The following RBFOX1 variants were observed in gnomAD, a reference collection of about 807,000 sequenced individuals.
RBFOX1 encodes the protein RNA binding fox-1 homolog 1.
In RBFOX1, 8 loss-of-function variants were observed where a neutral mutation model predicts 57.7. The observed-to-expected ratio is 0.14, with a 90% CI of 0.08 to 0.25. The LOEUF (loss-of-function observed/expected upper bound fraction) is 0.25, where lower values mean the gene tolerates loss of function less well. Among genes scored for constraint, RBFOX1 ranks in the 10% least tolerant of loss-of-function variants. The probability of loss-of-function intolerance (pLI) is 1.00; values close to 1 mark genes in which losing one functional copy is unlikely to be tolerated. For missense variants in RBFOX1, 611 were observed against 548.5 expected (o/e 1.11, Z -1.14); for synonymous variants, 326 against 222.4 (o/e 1.47, Z -4.15).
chr16:6,573,051 T>C (rs2097367526), intron 2 of RBFOX1, among the ~76,000 whole-genome samples: 1 of 152,126 alleles, frequency 6.6e-6, no homozygotes, highest in South Asian at 2.1e-4. Flanking sequence ...TCCTACAGAC[T>C]CAGATAGGAT....
intron 2 of RBFOX1, among the ~76,000 whole-genome samples, chr16:6,370,972 T>C (rs1392255873): frequency 2.0e-5 from 3 of 152,234 alleles, no homozygotes; most frequent in African/African-American, 7.2e-5. Flanking sequence ...GTCTTTCAGC[T>C]GTTTCTTTAT....
intron 1 of RBFOX1, among the ~76,000 whole-genome samples, chr16:6,039,644 T>C (rs2095414715): frequency 6.6e-6 from 1 of 152,226 alleles, no homozygotes; most frequent in South Asian, 2.1e-4. Flanking sequence ...TGTTCAGTTA[T>C]TTTGAGGAAA....
intron 3 of RBFOX1, among the ~76,000 whole-genome samples, chr16:6,804,642 A>C (rs1567320849): frequency 6.6e-6 from 1 of 152,190 alleles, no homozygotes; most frequent in Non-Finnish European, 1.5e-5. Flanking sequence ...GTCAGTAATG[A>C]GAATGAACTA....
chr16:6,897,526 G>A (rs916313523), intron 3 of RBFOX1, among the ~76,000 whole-genome samples: 3 of 152,244 alleles, frequency 2.0e-5, no homozygotes, highest in Non-Finnish European at 4.4e-5. Context: ...GGGTGCAGTG[G>A]CTCACGCCTG....
At chr16:7,277,303 A>G (rs1357109745) in intron 4 of RBFOX1, among the ~76,000 whole-genome samples, 1 of 152,174 alleles carries the variant, frequency 6.6e-6, no homozygotes. Flanking sequence ...ACTGCAATGC[A>G]TCTGTGGTTA....
intron 2 of RBFOX1, among the ~76,000 whole-genome samples, chr16:6,570,403 T>C (rs1005033345): frequency 6.6e-6 from 1 of 152,112 alleles, no homozygotes; most frequent in Non-Finnish European, 1.5e-5. Flanking sequence ...ATATGAAAGA[T>C]AGAAGAAGTA....
chr16:6,267,386 A>T (rs908548737), intron 1 of RBFOX1, among the ~76,000 whole-genome samples: 6 of 152,178 alleles, frequency 3.9e-5, no homozygotes, highest in Non-Finnish European at 8.8e-5. Flanking sequence ...ACTATCTCCT[A>T]TGTGTCCCTC....
At chr16:5,443,035 A>G (rs2068131600) in intron 1 of RBFOX1, among the ~76,000 whole-genome samples, 2 of 152,192 alleles carry the variant, frequency 1.3e-5, no homozygotes, top group South Asian at 4.1e-4. Context: ...AGGAGCCACT[A>G]GAGACTGAAA....
intron 4 of RBFOX1, among the ~76,000 whole-genome samples, chr16:7,164,936 G>C (rs1309015027): frequency 2.0e-5 from 3 of 152,156 alleles, no homozygotes; most frequent in African/African-American, 4.8e-5. Flanking sequence ...TCATCAACTG[G>C]AATAGGATAT....
intron 3 of RBFOX1, among the ~76,000 whole-genome samples, chr16:6,879,269 G>T (rs2062438074): frequency 2.6e-5 from 4 of 152,122 alleles, no homozygotes; most frequent in Admixed American, 2.6e-4. Flanking sequence ...TTATTTATCA[G>T]CCAGTTTTCT....
At chr16:6,328,849 A>T (rs745637455) in intron 2 of RBFOX1, among the ~76,000 whole-genome samples, 9 of 152,166 alleles carry the variant, frequency 5.9e-5, no homozygotes, top group Non-Finnish European at 1.5e-5. Flanking sequence ...AGTCGTGATT[A>T]CTGCTCTGCT....
chr16:7,653,983 A>G, intron 12 of RBFOX1, 36 bp downstream of exon 12: 3 of 1,456,832 alleles, frequency 2.1e-6, no homozygotes, highest in Non-Finnish European at 1.8e-6. Flanking sequence ...GCCTCCCTGC[A>G]CCAGCCCTCC....
In RBFOX1 at chr16:6,431,888, G is replaced by T. The variant is rs185257035; in HGVS notation, c.-64+114831G>T. On this transcript the variant is annotated intron_variant, in intron 2 of 15. Transcript: ENST00000550418. The stretch of plus-strand genomic sequence containing the variant: ...TATGAACATGTCCAGAAATATGCTT[G>T]CTTGCTTGCTTTCTTTCTTTCTTTC... 1.1e-3 allele frequency among the ~76,000 whole-genome samples: 118 copies of T among 109,900 alleles called. 1 individual carries two copies. Among genetic ancestry groups the T allele is most frequent in the African/African-American group, 3.6e-3 (97 of 27,114 alleles). 72.1% of individuals were successfully genotyped at this position (109,900 alleles called of 152,430 possible).
At chr16:6,807,167 A>T (rs558085186) in intron 3 of RBFOX1, among the ~76,000 whole-genome samples, 3 of 151,940 alleles carry the variant, frequency 2.0e-5, no homozygotes, top group African/African-American at 4.8e-5. Flanking sequence ...ACTGGTTACA[A>T]TGTGAGAAAC....
intron 1 of RBFOX1, among the ~76,000 whole-genome samples, chr16:5,297,514 A>G (rs895452871): frequency 6.6e-6 from 1 of 152,226 alleles, no homozygotes; most frequent in Non-Finnish European, 1.5e-5. Flanking sequence ...AATTTTTTAT[A>G]TACCGGTGGG....
At chr16:5,537,544 G>T (rs1186800074) in intron 2 of RBFOX1, among the ~76,000 whole-genome samples, 1 of 152,208 alleles carries the variant, frequency 6.6e-6, no homozygotes, top group African/African-American at 2.4e-5. Flanking sequence ...GCTTATATGT[G>T]TTGTTGGTAG....
At chr16:6,050,673 C>T (rs2095543056) in intron 1 of RBFOX1, among the ~76,000 whole-genome samples, 1 of 152,200 alleles carries the variant, frequency 6.6e-6, no homozygotes, top group South Asian at 2.1e-4. Flanking sequence ...TTTACCCTTC[C>T]TTCTTCATGG....
chr16:5,563,732 T>C (rs1028869139), intron 2 of RBFOX1, among the ~76,000 whole-genome samples: 7 of 152,198 alleles, frequency 4.6e-5, no homozygotes, highest in African/African-American at 1.4e-4. Context: ...TACAATTCAG[T>C]GGCTTCTCAT....
chr16:7,412,351 G>A (rs1241882267), intron 4 of RBFOX1, among the ~76,000 whole-genome samples: 1 of 148,348 alleles, frequency 6.7e-6, no homozygotes, highest in Non-Finnish European at 1.5e-5. Context: ...GGAGCTAGAG[G>A]TTGCAGGGAG....
Sources: gnomAD v4.1 joint callset for allele counts (sites outside exome capture counted in the v4.1 genomes callset) on GRCh38, gnomAD v4.1.1 for gene constraint, MANE v1.5 for transcripts, NCBI Gene and HGNC (gene_info 2026-07-23, HGNC 2026-07-21) for gene names.